MUC22: variants seen among roughly 807,000 people sequenced by gnomAD.
MUC22 encodes mucin 22, also known as mucin-22.
A neutral mutation model predicts 40.3 loss-of-function variants in MUC22; 24 were observed. The ratio of observed to expected loss-of-function variants is 0.60; its 90% confidence interval spans 0.43 to 0.84. The LOEUF (loss-of-function observed/expected upper bound fraction) is 0.84. Ranked by LOEUF, MUC22 falls within the 40% of genes least tolerant of loss-of-function variation. MUC22 has a pLI of 0.00. For missense variants in MUC22, 1,926 were observed against 2,130.7 expected (o/e 0.90, Z 1.89); for synonymous variants, 765 against 844.5 (o/e 0.91, Z 1.63).
At chr6:31,034,080 G>A (rs1312415272) in intron 3 of MUC22, among the ~76,000 whole-genome samples, 1 of 152,186 alleles carries the variant, frequency 6.6e-6, no homozygotes, top group East Asian at 1.9e-4. Context: ...TATTTAATCT[G>A]GCCTACAATC....
intron 1 of MUC22, among the ~76,000 whole-genome samples, chr6:31,022,503 G>T (rs1456064733): frequency 6.6e-6 from 1 of 151,686 alleles, no homozygotes; most frequent in Non-Finnish European, 1.5e-5. Context: ...AAAAAATTTA[G>T]ATCTATGCAA....
At chr6:31,027,656 G>T in exon 2 of MUC22, 1 of 1,529,666 alleles carries the variant, frequency 6.5e-7, no homozygotes, top group South Asian at 1.2e-5. Flanking sequence ...TCTAATACAG[G>T]CTTGGAGACC....
At chr6:31,025,881 G>A (rs1054402153) in exon 2 of MUC22, 2 of 1,533,660 alleles carry the variant, frequency 1.3e-6, no homozygotes, top group African/African-American at 2.8e-5. Flanking sequence ...CAGTCCCTGA[G>A]ACTACCATGG....
intron 1 of MUC22, among the ~76,000 whole-genome samples, chr6:31,021,962 G>T (rs143592937): frequency 0.12 from 18,128 of 151,944 alleles, 1,257 homozygotes; most frequent in African/African-American, 0.17. Flanking sequence ...GTAAAGGTCT[G>T]CAGCTTCACT....
At chr6:31,022,218 T>C (rs965977691) in intron 1 of MUC22, among the ~76,000 whole-genome samples, 5 of 152,164 alleles carry the variant, frequency 3.3e-5, no homozygotes, top group Admixed American at 1.3e-4. Flanking sequence ...TTGAAGTCAG[T>C]GAGACCAAGA....
intron 1 of MUC22, among the ~76,000 whole-genome samples, chr6:31,023,123 C>T (rs1300737462): frequency 2.0e-5 from 3 of 148,466 alleles, no homozygotes; most frequent in Non-Finnish European, 4.4e-5. Flanking sequence ...GATCAAGACG[C>T]TCAAAAAACA....
exon 2 of MUC22, chr6:31,025,995 C>T: frequency 6.5e-7 from 1 of 1,533,544 alleles, no homozygotes; most frequent in Non-Finnish European, 8.7e-7. Context: ...CTGCCACAGT[C>T]TCTACCACAG....
At chr6:31,006,594 G>A (rs566707863), upstream of MUC22, among the ~76,000 whole-genome samples, 4 of 152,256 alleles carry the variant, frequency 2.6e-5, no homozygotes, top group East Asian at 7.7e-4. Context: ...TAGGGGCAGG[G>A]AGTCTATGGG....
At chr6:31,024,983 C>G (rs1349909432) in intron 1 of MUC22, among the ~76,000 whole-genome samples, 1 of 151,936 alleles carries the variant, frequency 6.6e-6, no homozygotes, top group Non-Finnish European at 1.5e-5. Flanking sequence ...GATTCTCCTG[C>G]CTCAGCCTCC....
chr6:31,029,066 G>C (rs1765761702), exon 2 of MUC22: 1 of 1,534,976 alleles, frequency 6.5e-7, no homozygotes, highest in Non-Finnish European at 8.7e-7. Flanking sequence ...TCTGCTGAAG[G>C]CTCTGAGACC....
chr6:31,032,560 AGTAGGACT>A lies in MUC22; in HGVS notation c.5036_5043del (p.Val1679GlufsTer53). Reference sequence around the variant, plus strand: ...CAGTTGTGGCTGCTGTTGGATTGTCAGTAGGACTGAGTTTTTGTCTGGTGAGTACCCAG... The same window carrying A: ...CAGTTGTGGCTGCTGTTGGATTGTCAGAGTTTTTGTCTGGTGAGTACCCAG... On this transcript the variant is annotated frameshift_variant, in exon 3 of 4. Transcript: ENST00000561890. LOFTEE classifies it low-confidence loss of function (END_TRUNC). The surrounding 1 kb of genome is among the most constrained non-coding windows in gnomAD (Gnocchi z 4.1). 1 of 1,534,928 alleles carries A rather than the reference AGTAGGACT, an allele frequency of 6.5e-7. No individual in the cohort carries two copies. The highest frequency in any genetic ancestry group is 8.7e-7 in the Non-Finnish European group (1 of 1,146,416).
intron 1 of MUC22, among the ~76,000 whole-genome samples, chr6:31,022,883 C>A (rs942922027): frequency 6.6e-6 from 1 of 152,028 alleles, no homozygotes; most frequent in African/African-American, 2.4e-5. Flanking sequence ...TAATCCTAGC[C>A]CTTTGGGAGG....
exon 2 of MUC22, chr6:31,027,716 G>A: frequency 6.5e-7 from 1 of 1,533,066 alleles, no homozygotes; most frequent in Non-Finnish European, 8.7e-7. Context: ...TCTACTGAAG[G>A]CTCTGAGACC....
upstream of MUC22, among the ~76,000 whole-genome samples, chr6:31,008,883 C>T (rs9262458): frequency 0.15 from 22,467 of 151,992 alleles, 1,726 homozygotes; most frequent in Admixed American, 0.2. Context: ...CCCAAGCTTA[C>T]TGAGGTAAAA....
At chr6:31,007,462 T>C (rs1562564638), upstream of MUC22, among the ~76,000 whole-genome samples, 1 of 152,174 alleles carries the variant, frequency 6.6e-6, no homozygotes, top group South Asian at 2.1e-4. This position sits in a 1 kb window ranked among gnomAD's most constrained non-coding sequence, Gnocchi z 4.0. Context: ...ATATGCTATA[T>C]GGAAGGTACC....
chr6:31,006,284 T>C (rs974209403), upstream of MUC22, among the ~76,000 whole-genome samples: 6 of 152,190 alleles, frequency 3.9e-5, no homozygotes, highest in Admixed American at 3.3e-4. Flanking sequence ...TTTATAAACA[T>C]ATCTTTTGAT....
At chr6:31,035,053 G>A in exon 4 of MUC22, 2 of 1,090,214 alleles carry the variant, frequency 1.8e-6, no homozygotes, top group Non-Finnish European at 2.6e-6. Context: ...GGGTCATGGA[G>A]GAGAAAAAAA....
rs1040419286 is a variant in MUC22, at chr6:31,028,487, C to T, written c.3056C>T (p.Thr1019Ile). 3.3e-6 allele frequency: 5 copies of T among 1,534,768 alleles called. No individual in the cohort carries two copies. The Admixed American group carries it at 9.8e-5, about 30-fold the overall frequency. Residue 1019 changes from threonine (T) to isoleucine (I), a missense_variant, in exon 2 of 4, where the codon ACT becomes ATT. By Grantham distance (89) the Thr-to-Ile change is moderately conservative (BLOSUM62 -1). This residue lies in a region of MUC22 where 1,281 missense variants were observed against 1,337.8 expected (regional missense o/e 0.96). Coordinates refer to ENST00000561890, the Ensembl canonical transcript of MUC22. Reference sequence around the variant, plus strand: ...GGCTCTGAGACCACCACAGCCTCTACTACAAGCTCTGAGACCACCATGGCA... The same window carrying T: ...GGCTCTGAGACCACCACAGCCTCTATTACAAGCTCTGAGACCACCATGGCA...
chr6:31,026,576 C>T lies in MUC22; in HGVS notation c.1145C>T (p.Thr382Ile), dbSNP rs1238009796. Residue 382 changes from threonine to isoleucine, a missense_variant, in exon 2 of 4, where the codon ACA becomes ATA. Physicochemically the swap from Thr to Ile is moderately conservative, Grantham distance 89. Coordinates refer to ENST00000561890, the Ensembl canonical transcript of MUC22. The stretch of plus-strand genomic sequence containing the variant: ...TCAGAGACCACCACAAACTCTACTA[C>T]AAGCTCTGAGACCACCGTCACCTCT... 5 of 1,501,794 alleles carry T rather than the reference C, an allele frequency of 3.3e-6. 1 individual carries two copies. Among genetic ancestry groups the T allele is most frequent in the Non-Finnish European group, 3.6e-6 (4 of 1,125,306 alleles). The allele number at this position is 1,501,794 out of a possible 1,614,324, so 93.0% of individuals were successfully genotyped here.
Sources: gnomAD v4.1 joint callset for allele counts (sites outside exome capture counted in the v4.1 genomes callset) on GRCh38, gnomAD v4.1.1 for gene constraint, gnomAD v4.1.1 regional missense constraint, Gnocchi (gnomAD v3.1) non-coding constraint, MANE v1.5 for transcripts, NCBI Gene and HGNC (gene_info 2026-07-23, HGNC 2026-07-21) for gene names.